Variants in NKAIN2 observed in about 807,000 individuals in gnomAD.
NKAIN2 encodes the protein sodium/potassium-transporting ATPase subunit beta-1-interacting protein 2.
A neutral mutation model predicts 32.6 loss-of-function variants in NKAIN2; 14 were observed. That is an observed-to-expected ratio of 0.43 (90% CI 0.28 to 0.67). The LOEUF (loss-of-function observed/expected upper bound fraction) is 0.67, where lower values mean the gene tolerates loss of function less well. NKAIN2 is among the 30% of genes least tolerant of loss of function. The pLI is 0.17. For missense variants in NKAIN2, 198 were observed against 258.3 expected, an observed-to-expected ratio of 0.77 and a Z score of 1.60; for synonymous variants, 80 against 87.2, an observed-to-expected ratio of 0.92 and a Z score of 0.46.
At chr6:124,345,304 T>G (rs1798353380) in intron 2 of NKAIN2, among the ~76,000 whole-genome samples, 1 of 152,196 alleles carries the variant, frequency 6.6e-6, no homozygotes, top group Non-Finnish European at 1.5e-5. Flanking sequence ...CTTTTTTGGT[T>G]GTGTCTCTGC....
chr6:124,498,490 G>A (rs888541650), intron 3 of NKAIN2, among the ~76,000 whole-genome samples: 2 of 152,106 alleles, frequency 1.3e-5, no homozygotes, highest in African/African-American at 4.8e-5. Flanking sequence ...AAGGAAAGGG[G>A]CTATGTCTAT....
chr6:123,869,624 A>G (rs1772763622), intron 1 of NKAIN2, among the ~76,000 whole-genome samples: 2 of 152,162 alleles, frequency 1.3e-5, no homozygotes, highest in Non-Finnish European at 1.5e-5. Flanking sequence ...ATTCATATCA[A>G]TTTCTTGAAT....
chr6:123,831,483 T>G (rs1035675919), intron 1 of NKAIN2, among the ~76,000 whole-genome samples: 1 of 150,726 alleles, frequency 6.6e-6, no homozygotes, highest in South Asian at 2.1e-4. Flanking sequence ...GCCACACTGG[T>G]TTTTTTGTGT....
At chr6:123,867,375 C>G (rs1271503568) in intron 1 of NKAIN2, among the ~76,000 whole-genome samples, 1 of 152,070 alleles carries the variant, frequency 6.6e-6, no homozygotes, top group Admixed American at 6.5e-5. Context: ...TTTTATTAGC[C>G]TTAAGAAAGT....
At chr6:124,119,629 A>G (rs1489351278) in intron 1 of NKAIN2, among the ~76,000 whole-genome samples, 1 of 152,254 alleles carries the variant, frequency 6.6e-6, no homozygotes, top group African/African-American at 2.4e-5. Flanking sequence ...CTGTATAAGC[A>G]TCTGTGATGC....
At chr6:124,634,419 A>G (rs1355651725) in intron 3 of NKAIN2, among the ~76,000 whole-genome samples, 1 of 152,110 alleles carries the variant, frequency 6.6e-6, no homozygotes, top group Non-Finnish European at 1.5e-5. Flanking sequence ...AAAAAACCAA[A>G]CAGAAATCAT....
At chr6:123,985,879 G>C (rs971128742) in intron 1 of NKAIN2, among the ~76,000 whole-genome samples, 1 of 152,044 alleles carries the variant, frequency 6.6e-6, no homozygotes, top group Non-Finnish European at 1.5e-5. Flanking sequence ...GAAAAGCAGA[G>C]ACAACAGCAT....
At chr6:123,819,260 T>A (rs1204133589) in intron 1 of NKAIN2, among the ~76,000 whole-genome samples, 1 of 152,172 alleles carries the variant, frequency 6.6e-6, no homozygotes, top group Admixed American at 6.6e-5. Context: ...CAATGCAGAA[T>A]GAAATACAGA....
At chr6:124,667,223 A>G (rs1273789830) in intron 4 of NKAIN2, among the ~76,000 whole-genome samples, 1 of 152,178 alleles carries the variant, frequency 6.6e-6, no homozygotes, top group Non-Finnish European at 1.5e-5. Flanking sequence ...GTTTGGAAAC[A>G]TCAGGGAATA....
intron 1 of NKAIN2, among the ~76,000 whole-genome samples, chr6:124,178,540 A>C (rs986629200): frequency 6.6e-6 from 1 of 151,824 alleles, no homozygotes; most frequent in African/African-American, 2.4e-5. Flanking sequence ...CTTGTGATCC[A>C]CCCACCTCGG....
chr6:124,636,662 C>T (rs1274702718), intron 3 of NKAIN2, among the ~76,000 whole-genome samples: 1 of 151,792 alleles, frequency 6.6e-6, no homozygotes, highest in Non-Finnish European at 1.5e-5. Flanking sequence ...CTAGAGGAAA[C>T]AGATACAGTT....
intron 3 of NKAIN2, among the ~76,000 whole-genome samples, chr6:124,467,984 A>G (rs1019810098): frequency 6.6e-6 from 1 of 152,156 alleles, no homozygotes; most frequent in African/African-American, 2.4e-5. Flanking sequence ...TCACATCATT[A>G]GATCATTGTA....
At chr6:123,911,812 TACACAC>T (rs60501930) in intron 1 of NKAIN2, among the ~76,000 whole-genome samples, 4,441 of 84,928 alleles carry the variant, frequency 0.052, 426 homozygotes, top group African/African-American at 0.13. Context: ...TATATATATA[TACACAC>T]ACACACACAC....
chr6:124,715,076 A>G (rs1775687712), intron 4 of NKAIN2, among the ~76,000 whole-genome samples: 1 of 152,206 alleles, frequency 6.6e-6, no homozygotes, highest in African/African-American at 2.4e-5. Flanking sequence ...AATGCTGGGA[A>G]GAGGTAGATT....
At chr6:123,808,620 A>G (rs890892743) in intron 1 of NKAIN2, among the ~76,000 whole-genome samples, 1 of 152,178 alleles carries the variant, frequency 6.6e-6, no homozygotes, top group Non-Finnish European at 1.5e-5. Context: ...GAATACAGCT[A>G]AAGTTTCAAA....
intron 3 of NKAIN2, among the ~76,000 whole-genome samples, chr6:124,563,830 C>G (rs1452242205): frequency 6.6e-6 from 1 of 151,974 alleles, no homozygotes; most frequent in African/African-American, 2.4e-5. Context: ...TGGTGTCTCC[C>G]CGAGGGAAAG....
At chr6:124,413,463 T>G (rs929084357) in intron 3 of NKAIN2, among the ~76,000 whole-genome samples, 3 of 152,210 alleles carry the variant, frequency 2.0e-5, no homozygotes, top group Admixed American at 2.0e-4. Context: ...TTTCTGTAAC[T>G]TTTTATTGAA....
At chr6:124,098,737 G>A (rs573463152) in intron 1 of NKAIN2, among the ~76,000 whole-genome samples, 3 of 152,106 alleles carry the variant, frequency 2.0e-5, no homozygotes, top group East Asian at 3.9e-4. Flanking sequence ...AGGAGTGGTG[G>A]CACGTGTCTG....
rs1184072282 is a variant in NKAIN2, at chr6:123,809,835, T to TTG, written c.54+5581_54+5582insTG. Among the ~76,000 whole-genome samples, 9 of 152,250 alleles carry TTG rather than the reference T, an allele frequency of 5.9e-5. No individual in the cohort carries two copies. In the South Asian group the frequency reaches 1.2e-3, roughly 21 times the overall value. ...TTTCCAACCTGAAATAAGAATAAGG[T>TTG]GACTTCAAAAGCTTATGATTTTTAC... On this transcript the variant is annotated intron_variant, in intron 1 of 6. Transcript: ENST00000368417.
Sources: gnomAD v4.1 joint callset for allele counts (sites outside exome capture counted in the v4.1 genomes callset) on GRCh38, gnomAD v4.1.1 for gene constraint, MANE v1.5 for transcripts, NCBI Gene and HGNC (gene_info 2026-07-23, HGNC 2026-07-21) for gene names.